PCDHAC2: variants seen among roughly 807,000 people sequenced by gnomAD.
PCDHAC2 encodes protocadherin alpha subfamily C, 2.
Under a neutral mutation model 63.3 loss-of-function variants are expected in PCDHAC2, and 24 were observed. That is an observed-to-expected ratio of 0.38 (90% CI 0.27 to 0.53). The LOEUF is 0.53. Ranked by LOEUF, PCDHAC2 falls within the 20% of genes least tolerant of loss-of-function variation. PCDHAC2 has a pLI of 0.81. For synonymous variants in PCDHAC2, 569 were observed against 529.4 expected, an observed-to-expected ratio of 1.07 and a Z score of -1.03; for missense variants, 1,181 against 1,275.2, an observed-to-expected ratio of 0.93 and a Z score of 1.12.
In PCDHAC2 at chr5:140,979,008, G is replaced by T; in HGVS notation, c.2624+1G>T. 1 of 1,613,990 alleles carries T rather than the reference G, an allele frequency of 6.2e-7. No individual in the cohort carries two copies. The highest frequency in any genetic ancestry group is 1.3e-5 in the African/African-American group (1 of 75,044). ...CCTCCCTGAGAGCAGGCATGCACAG[G>T]TATGTATTTCCCTCCTCATTCACTC... On this transcript the variant is annotated splice_donor_variant, in intron 2 of 3. Transcript: ENST00000289269. LOFTEE classifies it high-confidence loss of function.
At chr5:141,008,905 A>G (rs1212655574) in intron 3 of PCDHAC2, among the ~76,000 whole-genome samples, 2 of 152,256 alleles carry the variant, frequency 1.3e-5, no homozygotes, top group African/African-American at 4.8e-5. Flanking sequence ...TAAAATTAAG[A>G]TCAAATAATT....
intron 3 of PCDHAC2, among the ~76,000 whole-genome samples, chr5:140,993,468 A>T (rs1327306188): frequency 7.2e-5 from 5 of 69,412 alleles, no homozygotes; most frequent in Non-Finnish European, 1.2e-4. Flanking sequence ...TTTCTCACAC[A>T]CACACACACA....
At chr5:140,997,563 A>G (rs891862395) in intron 3 of PCDHAC2, among the ~76,000 whole-genome samples, 7 of 152,202 alleles carry the variant, frequency 4.6e-5, no homozygotes, top group Non-Finnish European at 8.8e-5. Context: ...GACAACTGTC[A>G]TATGTGTGGT....
In PCDHAC2 at chr5:140,967,643, A is replaced by G; in HGVS notation, c.877A>G (p.Arg293Gly). 1 of 1,614,164 alleles carries G rather than the reference A, an allele frequency of 6.2e-7. No homozygotes were observed. Among genetic ancestry groups the G allele is most frequent in the East Asian group, 2.2e-5 (1 of 44,876 alleles). The change falls in exon 1 of 4, where the codon AGG becomes GGG. Residue 293 changes from arginine to glycine, a missense_variant. Coordinates refer to ENST00000289269, the MANE Select transcript of PCDHAC2 (RefSeq NM_018899.6). ...DPDEGSNGEL[R>G]YSLSSYTSDR... ...GGATGAGGGCTCCAATGGTGAGCTCAGGTACTCCTTGAGCAGCTACACGTC... is the reference window on the plus strand; with the variant it reads ...GGATGAGGGCTCCAATGGTGAGCTCGGGTACTCCTTGAGCAGCTACACGTC...
At chr5:140,979,973 A>G (rs782560392) in intron 2 of PCDHAC2, among the ~76,000 whole-genome samples, 9 of 152,230 alleles carry the variant, frequency 5.9e-5, no homozygotes, top group Non-Finnish European at 1.0e-4. Context: ...ATTAAAATGC[A>G]TTAGATTGAA....
chr5:140,987,007 A>C (rs2097221901), intron 3 of PCDHAC2, among the ~76,000 whole-genome samples: 1 of 152,142 alleles, frequency 6.6e-6, no homozygotes, highest in African/African-American at 2.4e-5. Context: ...TGAGGTCATG[A>C]GTTCGAGACC....
chr5:140,991,924 A>T (rs1028386420), intron 3 of PCDHAC2, among the ~76,000 whole-genome samples: 1 of 152,140 alleles, frequency 6.6e-6, no homozygotes, highest in Non-Finnish European at 1.5e-5. Context: ...GTAACATAAC[A>T]TATTCACAAG....
Position 140,966,515 on chromosome 5 carries a change from G to A in PCDHAC2, c.-252G>A. The A allele has an allele frequency of 2.3e-6, 1 of 436,996 alleles. No homozygotes were observed. Among genetic ancestry groups the A allele is most frequent in the East Asian group, 3.5e-5 (1 of 28,284 alleles). 27.1% of individuals were successfully genotyped at this position (436,996 alleles called of 1,614,324 possible). ...TGGAGCTGTAGCGGCAGCAGCAGCA[G>A]GAAGCCGAGCCGGGTTGAGCGACTC... On this transcript the variant is annotated 5_prime_UTR_variant, in exon 1 of 4. Coordinates refer to ENST00000289269, the MANE Select transcript of PCDHAC2 (RefSeq NM_018899.6).
At chr5:140,993,460 TCTCACA>T (rs782519654) in intron 3 of PCDHAC2, among the ~76,000 whole-genome samples, 239 of 104,566 alleles carry the variant, frequency 2.3e-3, no homozygotes, top group Admixed American at 6.0e-3. Context: ...CTTCTTTCTT[TCTCACA>T]CACACACACA....
chr5:141,010,274 T>C lies in PCDHAC2; in HGVS notation c.*337T>C, dbSNP rs1554262865. On this transcript the variant is annotated 3_prime_UTR_variant, in exon 4 of 4. Coordinates refer to ENST00000289269, the MANE Select transcript of PCDHAC2 (RefSeq NM_018899.6). ...TCTGCCCTGTGCTCCGGGGATCCTG[T>C]CTTGATGACACTTGCAGGGCAGGCT... is the stretch of plus-strand genomic sequence containing the variant. The C allele has an allele frequency of 6.4e-7, 1 of 1,551,424 alleles. No homozygotes were observed. Among genetic ancestry groups the C allele is most frequent in the Admixed American group, 2.0e-5 (1 of 50,930 alleles).
In PCDHAC2 at chr5:140,967,901, A is replaced by T; in HGVS notation, c.1135A>T (p.Thr379Ser). The T allele has an allele frequency of 1.2e-6, 2 of 1,614,142 alleles. No homozygotes were observed. The highest frequency in any genetic ancestry group is 1.3e-5 in the African/African-American group (1 of 75,042). ...DLYSPVPENA[T>S]PNTIVAVLSV... ...GTATAGCCCAGTGCCTGAGAATGCT[A>T]CACCCAACACCATTGTGGCCGTTCT... The change falls in exon 1 of 4, where the codon ACA becomes TCA. Residue 379 changes from threonine (T) to serine (S), a missense_variant. Coordinates refer to ENST00000289269, the MANE Select transcript of PCDHAC2 (RefSeq NM_018899.6).
intron 3 of PCDHAC2, among the ~76,000 whole-genome samples, chr5:140,993,523 CAGAG>C (rs111789518): frequency 3.4e-5 from 5 of 145,668 alleles, no homozygotes; most frequent in South Asian, 2.2e-4. Flanking sequence ...GAGAGAGAGA[CAGAG>C]AGAGAGAGAG....
rs1382251688 is a variant in PCDHAC2, at chr5:141,010,812, C to A, written c.*875C>A. The A allele has an allele frequency of 6.5e-6, 1 of 153,746 alleles. No homozygotes were observed. Among genetic ancestry groups the A allele is most frequent in the Non-Finnish European group, 1.5e-5 (1 of 68,054 alleles). The allele number at this position is 153,746 out of a possible 1,614,324, so 9.5% of individuals were successfully genotyped here. On this transcript the variant is annotated 3_prime_UTR_variant, in exon 4 of 4. Coordinates refer to ENST00000289269, the MANE Select transcript of PCDHAC2 (RefSeq NM_018899.6). The stretch of plus-strand genomic sequence containing the variant: ...GCAAAAGAAAACCCCGACACCTCAC[C>A]TTTCGCTGTTTGTTGTTTCATAGAT...
At chr5:141,001,872 CAAG>C (rs1329160545) in intron 3 of PCDHAC2, among the ~76,000 whole-genome samples, 1 of 152,126 alleles carries the variant, frequency 6.6e-6, no homozygotes, top group African/African-American at 2.4e-5. Flanking sequence ...TGCCCAAAAC[CAAG>C]AAGGAGCAAA....
chr5:141,009,948 T>C lies in PCDHAC2; in HGVS notation c.*11T>C, dbSNP rs201131092. 1 of 1,595,948 alleles carries C rather than the reference T, an allele frequency of 6.3e-7. No individual in the cohort carries two copies. The highest frequency in any genetic ancestry group is 1.4e-5 in the African/African-American group (1 of 73,610). On this transcript the variant is annotated 3_prime_UTR_variant, in exon 4 of 4. Coordinates refer to ENST00000289269, the MANE Select transcript of PCDHAC2 (RefSeq NM_018899.6). ...AACAGTGACCAGTGAGGTCCTCAAA[T>C]GGAAACAAGCCACTTAGCCAGTTTT...
At chr5:140,971,640 A>G (rs2096489850) in intron 1 of PCDHAC2, among the ~76,000 whole-genome samples, 1 of 152,184 alleles carries the variant, frequency 6.6e-6, no homozygotes, top group Non-Finnish European at 1.5e-5. Context: ...CCATGTGCCT[A>G]CATTAAAAGT....
rs149890293 is a variant in PCDHAC2 at position 140,967,342 on chromosome 5, C to T, written c.576C>T (p.His192=). 40 of 1,607,992 alleles carry T rather than the reference C, an allele frequency of 2.5e-5. No individual in the cohort carries two copies. The highest frequency in any genetic ancestry group is 3.4e-5 in the Non-Finnish European group (40 of 1,175,916). The change falls in exon 1 of 4, where the codon CAC becomes CAT. Residue 192 remains histidine (H), a synonymous_variant. Transcript: ENST00000289269. ...VQTYELSPSE[H]FELDLKPLQE... ...CCTACGAGCTCAGCCCCAGCGAGCA[C>T]TTCGAGCTGGACCTTAAGCCCCTGC...
At chr5:140,986,583 T>C (rs1265983211) in intron 3 of PCDHAC2, among the ~76,000 whole-genome samples, 1 of 152,170 alleles carries the variant, frequency 6.6e-6, no homozygotes, top group African/African-American at 2.4e-5. Flanking sequence ...TTTTTCCAGC[T>C]CCTCTTTCTA....
chr5:140,978,571 A>G (rs891123704), intron 1 of PCDHAC2, among the ~76,000 whole-genome samples: 5 of 152,208 alleles, frequency 3.3e-5, no homozygotes, highest in African/African-American at 1.2e-4. Flanking sequence ...TGTAATACTG[A>G]ATTGGGAATG....
Sources: allele counts gnomAD v4.1 joint callset (sites outside exome capture counted in the v4.1 genomes callset), GRCh38; gene constraint gnomAD v4.1.1; transcripts MANE v1.5; gene names NCBI Gene and HGNC (gene_info 2026-07-23, HGNC 2026-07-21).